Variants in RELN observed in about 807,000 individuals in gnomAD.
The protein encoded by RELN is reelin.
Under a neutral mutation model 427.6 loss-of-function variants are expected in RELN, and 108 were observed. The observed-to-expected ratio is 0.25, with a 90% CI of 0.22 to 0.30. The LOEUF (loss-of-function observed/expected upper bound fraction) is 0.30, where lower values mean the gene tolerates loss of function less well. Ranked by LOEUF, RELN falls within the 10% of genes least tolerant of loss-of-function variation. The pLI, the probability that RELN is intolerant of heterozygous loss-of-function variation, is 1.00. For synonymous variants in RELN, 1,524 were observed against 1,513.4 expected (o/e 1.01, Z -0.16); for missense variants, 3,715 against 4,302.8 (o/e 0.86, Z 3.82).
intron 64 of RELN, chr7:103,473,137 T>A: frequency 1.5e-6 from 1 of 647,310 alleles, no homozygotes; most frequent in South Asian, 1.6e-5. Context: ...TTTTCATGAG[T>A]GAGCTCTGAA....
In RELN at chr7:103,757,371, G is replaced by C. The variant is rs536166515; in HGVS notation, c.545-4157C>G. On this transcript the variant is annotated intron_variant, in intron 4 of 64. Transcript: ENST00000428762. ...ATCATTGAATTTTTCTAGATTGCTC[G>C]TATGTTTTTATCTCAACATTTTATT... Among the ~76,000 whole-genome samples the C allele has an allele frequency of 3.3e-5, 5 of 152,034 alleles. No individual in the cohort carries two copies. The South Asian group carries it at 1.0e-3, about 32-fold the overall frequency.
chr7:103,531,782 A>C (rs557274165), intron 46 of RELN, among the ~76,000 whole-genome samples: 9 of 152,232 alleles, frequency 5.9e-5, no homozygotes, highest in Non-Finnish European at 1.2e-4. Flanking sequence ...AAAACAAAAC[A>C]AAACAAAAAC....
At chr7:103,523,562 A>T in intron 46 of RELN, 31 bp from the exon 47 acceptor site, 2 of 1,613,708 alleles carry the variant, frequency 1.2e-6, no homozygotes, top group Non-Finnish European at 1.7e-6. Context: ...TTAATGAAGG[A>T]TGCTGTGGAA....
chr7:103,521,015 GCGGGA>G (rs1829695734), intron 48 of RELN, among the ~76,000 whole-genome samples: 1 of 127,736 alleles, frequency 7.8e-6, no homozygotes, highest in Non-Finnish European at 1.6e-5. Context: ...TGTCGCCCAG[GCGGGA>G]CTGCGGACTG....
chr7:103,683,338 CAAAT>C (rs3831561), intron 10 of RELN, among the ~76,000 whole-genome samples: 5,432 of 152,142 alleles, frequency 0.036, 160 homozygotes, highest in East Asian at 0.14. Context: ...AATAGTTCAA[CAAAT>C]GAATGAGGGA....
At chr7:103,543,148 G>A (rs1158525614) in intron 42 of RELN, among the ~76,000 whole-genome samples, 11 of 151,990 alleles carry the variant, frequency 7.2e-5, no homozygotes, top group South Asian at 6.2e-4. Flanking sequence ...CCCTCCTTTC[G>A]GCTTGTTCAC....
At chr7:103,587,595 T>A (rs1443476250) in intron 28 of RELN, among the ~76,000 whole-genome samples, 1 of 152,068 alleles carries the variant, frequency 6.6e-6, no homozygotes, top group East Asian at 1.9e-4. Context: ...AGACAACCTA[T>A]GGGATCGGAA....
chr7:103,923,533 A>G (rs1043896278), intron 1 of RELN, among the ~76,000 whole-genome samples: 2 of 152,250 alleles, frequency 1.3e-5, no homozygotes, highest in African/African-American at 4.8e-5. Flanking sequence ...GAGGACATGA[A>G]TCCATAGAAA....
chr7:103,473,618 T>C (rs554226685), intron 64 of RELN, among the ~76,000 whole-genome samples: 2 of 152,302 alleles, frequency 1.3e-5, no homozygotes, highest in East Asian at 1.9e-4. Flanking sequence ...CCCCCACATA[T>C]GTACATACAC....
At chr7:103,763,868 T>C (rs1791362523) in intron 4 of RELN, among the ~76,000 whole-genome samples, 1 of 151,918 alleles carries the variant, frequency 6.6e-6, no homozygotes, top group African/African-American at 2.4e-5. Flanking sequence ...CCAGGAGCAT[T>C]TTGATCAATG....
intron 24 of RELN, 123 bp from the exon 25 acceptor site, chr7:103,596,784 T>G: frequency 1.2e-6 from 1 of 838,508 alleles, no homozygotes. Flanking sequence ...CCCCATTTAT[T>G]GTGGAGAGAG....
intron 11 of RELN, among the ~76,000 whole-genome samples, chr7:103,681,727 A>G (rs1452192372): frequency 6.6e-6 from 1 of 152,204 alleles, no homozygotes; most frequent in African/African-American, 2.4e-5. Flanking sequence ...CCACATTCCA[A>G]TGAAAATCAG....
At chr7:103,583,406 T>G (rs1399834124) in intron 28 of RELN, among the ~76,000 whole-genome samples, 4 of 152,224 alleles carry the variant, frequency 2.6e-5, no homozygotes, top group Non-Finnish European at 5.9e-5. Flanking sequence ...CTAATTCAGA[T>G]TTGATATTGG....
At position 103,610,773 on chromosome 7, in the gene RELN, A is replaced by G; in HGVS notation, c.2930T>C (p.Phe977Ser). ...GGCATGGTAAATACTTGCTGATGTAAATTCCTGACAACTTGGCATACTTGG... is the reference window on the plus strand; with the variant it reads ...GGCATGGTAAATACTTGCTGATGTAGATTCCTGACAACTTGGCATACTTGG... ...CLPSMPSCQE[F>S]TSASIYHASE... The change falls in exon 22 of 65, where the codon TTT becomes TCT. Residue 977 changes from phenylalanine to serine, a missense_variant. Transcript: ENST00000428762. 6.2e-7 allele frequency: 1 copy of G among 1,611,366 alleles called. No individual in the cohort carries two copies.
chr7:103,630,850 T>A (rs1299819720), intron 19 of RELN, among the ~76,000 whole-genome samples: 1 of 41,074 alleles, frequency 2.4e-5, no homozygotes, highest in Non-Finnish European at 7.2e-5. Flanking sequence ...GTTATTTTTT[T>A]GTTTTTTTTG....
chr7:103,529,947 C>CTGAA (rs1829903608), intron 46 of RELN, among the ~76,000 whole-genome samples: 1 of 152,122 alleles, frequency 6.6e-6, no homozygotes, highest in African/African-American at 2.4e-5. Context: ...CCATGTTATT[C>CTGAA]TGAATCTTCT....
Position 103,979,960 on chromosome 7 carries a change from G to A in RELN, c.226+9171C>T, listed in dbSNP as rs780029089. Among the ~76,000 whole-genome samples, 82 of 152,154 alleles carry A rather than the reference G, an allele frequency of 5.4e-4. 1 individual carries two copies. The highest frequency in any genetic ancestry group is 3.1e-3 in the Admixed American group (47 of 15,288). On this transcript the variant is annotated intron_variant, in intron 1 of 64. Coordinates refer to ENST00000428762, the MANE Select transcript of RELN (RefSeq NM_005045.4). ...GCTGATCACCTGAGGTCGGGAGTGCGAGACCAACCTGACCAACATGGAGAA... is the reference window on the plus strand; with the variant it reads ...GCTGATCACCTGAGGTCGGGAGTGCAAGACCAACCTGACCAACATGGAGAA...
At chr7:103,564,733 A>G (rs1830711029) in intron 34 of RELN, among the ~76,000 whole-genome samples, 1 of 152,134 alleles carries the variant, frequency 6.6e-6, no homozygotes, top group African/African-American at 2.4e-5. Context: ...CAGTCACCAC[A>G]GTACCCGTTA....
At position 103,988,449 on chromosome 7, in the gene RELN, AC is replaced by A. The variant is rs1797147731; in HGVS notation, c.226+681del. 6.6e-6 allele frequency among the ~76,000 whole-genome samples: 1 copy of A among 152,276 alleles called. No individual in the cohort carries two copies. Among genetic ancestry groups the A allele is most frequent in the Non-Finnish European group, 1.5e-5 (1 of 68,046 alleles). On this transcript the variant is annotated intron_variant, in intron 1 of 64. Coordinates refer to ENST00000428762, the MANE Select transcript of RELN (RefSeq NM_005045.4). This position sits in a 1 kb window ranked among gnomAD's most constrained non-coding sequence, Gnocchi z 4.9. ...AAATACAAAGTCATTAATAAACATCACAAAGATAATTCTAACAAGAAGCACC... is the reference window on the plus strand; with the variant it reads ...AAATACAAAGTCATTAATAAACATCAAAAGATAATTCTAACAAGAAGCACC...
Sources: allele counts gnomAD v4.1 joint callset (sites outside exome capture counted in the v4.1 genomes callset), GRCh38; gene constraint gnomAD v4.1.1; non-coding constraint Gnocchi (gnomAD v3.1); transcripts MANE v1.5; gene names NCBI Gene and HGNC (gene_info 2026-07-23, HGNC 2026-07-21).